Variants in CERK observed in about 807,000 individuals in gnomAD.
The protein encoded by CERK is ceramide kinase.
CERK carries 39 observed loss-of-function variants against 63.4 expected under a neutral mutation model. That is an observed-to-expected ratio of 0.61 (90% CI 0.48 to 0.80). The LOEUF is 0.80. Among genes scored for constraint, CERK ranks in the 30% least tolerant of loss-of-function variants. CERK has a pLI of 0.00. For missense variants in CERK, 670 were observed against 714.1 expected, an observed-to-expected ratio of 0.94 and a Z score of 0.70; for synonymous variants, 302 against 280.0, an observed-to-expected ratio of 1.08 and a Z score of -0.78.
chr22:46,725,301 GA>G (rs1377348135), intron 1 of CERK, among the ~76,000 whole-genome samples: 4 of 152,168 alleles, frequency 2.6e-5, no homozygotes, highest in Non-Finnish European at 4.4e-5. Flanking sequence ...GGGGGCTCAG[GA>G]AACACTTGCC....
chr22:46,697,948 C>T (rs887522601), intron 8 of CERK, among the ~76,000 whole-genome samples: 3 of 152,214 alleles, frequency 2.0e-5, no homozygotes, highest in African/African-American at 4.8e-5. Flanking sequence ...ACTCTGTGGT[C>T]GGGTAACAGG....
chr22:46,738,140 C>T lies in CERK; in HGVS notation c.9G>A (p.Ala3=). MG[A]TGAAEPLQSV... is the part of the protein sequence containing the mutation. ...ATTGCAGCGGCTCCGCCGCCCCCGT[C>T]GCCCCCATCTCCGCCGCCGGGCTCG... Residue 3 remains alanine, a synonymous_variant, in exon 1 of 13, where the codon GCG becomes GCA. Transcript: ENST00000216264. The T allele has an allele frequency of 8.3e-7, 1 of 1,210,032 alleles. No homozygotes were observed. Among genetic ancestry groups the T allele is most frequent in the Non-Finnish European group, 1.0e-6 (1 of 971,482 alleles). 75.0% of individuals were successfully genotyped at this position (1,210,032 alleles called of 1,614,324 possible).
At chr22:46,737,111 T>C (rs1342334860) in intron 1 of CERK, among the ~76,000 whole-genome samples, 2 of 152,050 alleles carry the variant, frequency 1.3e-5, no homozygotes, top group Non-Finnish European at 1.5e-5. Flanking sequence ...CTGGCCAACA[T>C]GGTGAAACCC....
chr22:46,729,911 C>T (rs901095435), intron 1 of CERK, among the ~76,000 whole-genome samples: 2 of 151,920 alleles, frequency 1.3e-5, no homozygotes, highest in Non-Finnish European at 2.9e-5. Context: ...TGGTGGCAGG[C>T]GCCTGTAGTC....
chr22:46,724,965 G>A (rs1235077728), intron 1 of CERK, among the ~76,000 whole-genome samples: 2 of 152,182 alleles, frequency 1.3e-5, no homozygotes, highest in East Asian at 3.9e-4. Flanking sequence ...GGCTTGCAGT[G>A]AGCCAAGATT....
chr22:46,693,799 T>C, intron 9 of CERK: 1 of 385,790 alleles, frequency 2.6e-6, no homozygotes, highest in South Asian at 2.3e-5. Context: ...TAACATAGCC[T>C]GGCTGGGAGA....
In CERK at chr22:46,736,611, C is replaced by T. The variant is rs145687967; in HGVS notation, c.142+1396G>A. Reference sequence around the variant, plus strand: ...GCACCTGTTCTCCTTGTGTGTGGGCCCTGGTGGGTGATATTTGGGGTGTGA... The same window carrying T: ...GCACCTGTTCTCCTTGTGTGTGGGCTCTGGTGGGTGATATTTGGGGTGTGA... On this transcript the variant is annotated intron_variant, in intron 1 of 12. Coordinates refer to ENST00000216264, the MANE Select transcript of CERK (RefSeq NM_022766.6). Among the ~76,000 whole-genome samples, 16 of 152,298 alleles carry T rather than the reference C, an allele frequency of 1.1e-4. No homozygotes were observed. The East Asian group carries it at 3.1e-3, about 29-fold the overall frequency.
In CERK at chr22:46,697,310, C is replaced by CT. The variant is rs891474254; in HGVS notation, c.944-1996dup. Among the ~76,000 whole-genome samples the CT allele has an allele frequency of 3.6e-4, 53 of 148,724 alleles. 1 individual carries two copies. Among genetic ancestry groups the CT allele is most frequent in the East Asian group, 1.8e-3 (9 of 5,094 alleles). ...ACATATTTTCTTCTTTCTTTCTTTTCTTTTTTTTTTGAGACAGGGTCTGGC... is the reference window on the plus strand; with the variant it reads ...ACATATTTTCTTCTTTCTTTCTTTTCTTTTTTTTTTTGAGACAGGGTCTGGC... On this transcript the variant is annotated intron_variant, in intron 8 of 12. Coordinates refer to ENST00000216264, the MANE Select transcript of CERK (RefSeq NM_022766.6).
chr22:46,737,210 T>C (rs2082978033), intron 1 of CERK, among the ~76,000 whole-genome samples: 2 of 151,102 alleles, frequency 1.3e-5, no homozygotes, highest in Non-Finnish European at 2.9e-5. Flanking sequence ...GGAGAATTGC[T>C]TGAACCCAGG....
At chr22:46,721,125 A>G in intron 1 of CERK, 110 bp from the exon 2 acceptor site, 1 of 743,210 alleles carries the variant, frequency 1.3e-6, no homozygotes, top group Non-Finnish European at 2.4e-6. Flanking sequence ...TCTCATTAGA[A>G]ATTCAGGCTG....
chr22:46,699,100 C>G (rs1461825874), intron 8 of CERK, among the ~76,000 whole-genome samples: 1 of 151,850 alleles, frequency 6.6e-6, no homozygotes, highest in Non-Finnish European at 1.5e-5. Context: ...ATGCTTGGGT[C>G]CAGGGGGCAG....
chr22:46,714,892 T>C lies in CERK; in HGVS notation c.380-2599A>G, dbSNP rs569935743. ...CACAATATCGGTAAGTCAAATCCAG[T>C]GACACATAAACAGTACTACATCACA... On this transcript the variant is annotated intron_variant, in intron 3 of 12. Coordinates refer to ENST00000216264, the MANE Select transcript of CERK (RefSeq NM_022766.6). This position sits in a 1 kb window ranked among gnomAD's most constrained non-coding sequence, Gnocchi z 4.4. 6.6e-6 allele frequency among the ~76,000 whole-genome samples: 1 copy of C among 151,906 alleles called. No individual in the cohort carries two copies. The highest frequency in any genetic ancestry group is 1.5e-5 in the Non-Finnish European group (1 of 67,984).
chr22:46,690,910 C>T (rs1032499729), intron 11 of CERK, among the ~76,000 whole-genome samples: 1 of 152,066 alleles, frequency 6.6e-6, no homozygotes, highest in Non-Finnish European at 1.5e-5. Context: ...AAGATTCATA[C>T]CTCTTAGTTT....
Position 46,720,097 on chromosome 22 carries a change from A to G in CERK, c.368T>C (p.Leu123Pro). Reference sequence around the variant, plus strand: ...AAACACACACGTACTCAGCTTCTCCAGCATCTCCCGCAGGGTCTGCAGCCA... The same window carrying G: ...AAACACACACGTACTCAGCTTCTCCGGCATCTCCCGCAGGGTCTGCAGCCA... ...HLWLQTLREM[L>P]EKLTSRPKHL... Residue 123 changes from leucine (L) to proline (P), a missense_variant, in exon 3 of 13, where the codon CTG becomes CCG. Transcript: ENST00000216264. 6.2e-7 allele frequency: 1 copy of G among 1,613,782 alleles called. No homozygotes were observed. Among genetic ancestry groups the G allele is most frequent in the Non-Finnish European group, 8.5e-7 (1 of 1,179,904 alleles).
At chr22:46,701,525 C>G (rs759700800) in intron 7 of CERK, 111 bp downstream of exon 7, 3 of 881,888 alleles carry the variant, frequency 3.4e-6, no homozygotes, top group Non-Finnish European at 5.2e-6. Flanking sequence ...TGACCCACGG[C>G]CAGGACAGGA....
At position 46,684,957 on chromosome 22, in the gene CERK, T is replaced by C. The variant is rs2082691914; in HGVS notation, c.*2177A>G. ...ACCAGAGCCACTCAGGAACCAGCCA[T>C]GCGGAATGGCTGGGTTTCTTATTGA... On this transcript the variant is annotated 3_prime_UTR_variant, in exon 13 of 13. Coordinates refer to ENST00000216264, the MANE Select transcript of CERK (RefSeq NM_022766.6). 6.6e-6 allele frequency: 1 copy of C among 152,244 alleles called. No homozygotes were observed. The highest frequency in any genetic ancestry group is 1.5e-5 in the Non-Finnish European group (1 of 68,046). The allele number at this position is 152,244 out of a possible 1,614,324, so 9.4% of individuals were successfully genotyped here. A position where few individuals can be genotyped will look rare whatever the true frequency, so the allele number is the denominator to read the frequency against.
chr22:46,695,149 C>G (rs2082749662), intron 9 of CERK, 61 bp downstream of exon 9: 1 of 907,900 alleles, frequency 1.1e-6, no homozygotes, highest in Non-Finnish European at 1.8e-6. Flanking sequence ...ATTCACCTTC[C>G]TAACCGTCCT....
At chr22:46,695,373 TG>T (rs1304658634) in intron 8 of CERK, 58 bp from the exon 9 acceptor site, 1 of 1,039,276 alleles carries the variant, frequency 9.6e-7, no homozygotes, top group Non-Finnish European at 1.5e-6. Context: ...TTGGTTAGGA[TG>T]CTGTGCTGGG....
At chr22:46,737,895 C>T in intron 1 of CERK, 112 bp downstream of exon 1, 1 of 754,358 alleles carries the variant, frequency 1.3e-6, no homozygotes, top group East Asian at 5.2e-5. Context: ...CCAGGGCCCC[C>T]GGCCTTACCA....
Sources: gnomAD v4.1 joint callset for allele counts (sites outside exome capture counted in the v4.1 genomes callset) on GRCh38, gnomAD v4.1.1 for gene constraint, Gnocchi (gnomAD v3.1) non-coding constraint, MANE v1.5 for transcripts, NCBI Gene and HGNC (gene_info 2026-07-23, HGNC 2026-07-21) for gene names.